Variants in ILRUN observed in about 807,000 individuals in gnomAD.
The protein encoded by ILRUN is protein ILRUN.
ILRUN carries 3 observed loss-of-function variants against 33.8 expected under a neutral mutation model. That is an observed-to-expected ratio of 0.09 (90% CI 0.04 to 0.23). The LOEUF is 0.23. Among genes scored for constraint, ILRUN ranks in the 10% least tolerant of loss-of-function variants. The probability of loss-of-function intolerance (pLI) is 1.00; values close to 1 mark genes in which losing one functional copy is unlikely to be tolerated. For missense variants in ILRUN, 210 were observed against 375.1 expected (o/e 0.56, Z 3.64); for synonymous variants, 124 against 138.9 (o/e 0.89, Z 0.75).
chr6:34,617,331 G>C, intron 3 of ILRUN: 1 of 323,782 alleles, frequency 3.1e-6, no homozygotes, highest in South Asian at 2.7e-5. Context: ...GAAAAAAAAA[G>C]TCAGTATTAT....
chr6:34,630,651 G>T (rs1762227487), intron 3 of ILRUN, among the ~76,000 whole-genome samples: 1 of 152,158 alleles, frequency 6.6e-6, no homozygotes, highest in Non-Finnish European at 1.5e-5. Context: ...CAAAGTGCTG[G>T]GATTATGGCG....
At chr6:34,618,175 T>C (rs1367171551) in intron 3 of ILRUN, among the ~76,000 whole-genome samples, 2 of 151,968 alleles carry the variant, frequency 1.3e-5, no homozygotes, top group Non-Finnish European at 2.9e-5. Flanking sequence ...CTGTTCAGAA[T>C]GAAAAAGGAA....
intron 4 of ILRUN, 125 bp downstream of exon 4, chr6:34,606,430 G>C (rs567177501): frequency 1.5e-6 from 1 of 681,592 alleles, no homozygotes; most frequent in Non-Finnish European, 2.5e-6. Context: ...ATTGGCAGGA[G>C]AGCTGAGCAG....
chr6:34,687,836 A>G (rs976888584), intron 1 of ILRUN, among the ~76,000 whole-genome samples: 8 of 151,856 alleles, frequency 5.3e-5, no homozygotes, highest in Non-Finnish European at 1.2e-4. Flanking sequence ...CGCGGTTGGG[A>G]ATGTAAAATG....
chr6:34,688,463 C>G (rs143354501), intron 1 of ILRUN, among the ~76,000 whole-genome samples: 1 of 147,418 alleles, frequency 6.8e-6, no homozygotes, highest in African/African-American at 2.5e-5. Context: ...ACCCTGAAAA[C>G]ATAATGCTAA....
chr6:34,644,865 G>A (rs990509179), intron 3 of ILRUN, among the ~76,000 whole-genome samples: 2 of 152,100 alleles, frequency 1.3e-5, no homozygotes, highest in African/African-American at 2.4e-5. Context: ...TGAGACAAAT[G>A]AGCAAGGGCA....
chr6:34,651,082 C>T (rs1257029986), intron 2 of ILRUN, among the ~76,000 whole-genome samples: 1 of 152,108 alleles, frequency 6.6e-6, no homozygotes. Flanking sequence ...GCATGTTCTT[C>T]CTCTCTCAAA....
chr6:34,646,836 A>G lies in ILRUN; in HGVS notation c.314-38T>C, dbSNP rs143980154. ...AAAAGAAAAAAATGTTAGGCAATCA[A>G]TGGTCCTATGCTGGGTGCAGTTTAT... is the stretch of plus-strand genomic sequence containing the variant. On this transcript the variant is annotated intron_variant, in intron 2 of 4. Transcript: ENST00000374023. This position sits in a 1 kb window ranked among gnomAD's most constrained non-coding sequence, Gnocchi z 4.9. 8.6e-4 allele frequency: 1,362 copies of G among 1,585,256 alleles called. 11 individuals carry two copies. In the African/African-American group the frequency reaches 0.016, roughly 19 times the overall value.
At chr6:34,616,725 T>C in intron 3 of ILRUN, 2 of 743,822 alleles carry the variant, frequency 2.7e-6, no homozygotes, top group South Asian at 1.5e-5. Flanking sequence ...GAAATTCAAA[T>C]GGCAAGGATG....
intron 3 of ILRUN, among the ~76,000 whole-genome samples, chr6:34,608,180 G>C (rs1260727381): frequency 6.6e-6 from 1 of 152,042 alleles, no homozygotes; most frequent in East Asian, 1.9e-4. Context: ...GATCACTTGA[G>C]GTCAGAAGTT....
intron 3 of ILRUN, among the ~76,000 whole-genome samples, chr6:34,637,808 C>G (rs1762392823): frequency 6.6e-6 from 1 of 152,066 alleles, no homozygotes; most frequent in Admixed American, 6.6e-5. Context: ...AGAGGTTAAT[C>G]TGAACAGTAC....
Position 34,587,325 on chromosome 6 carries a change from T to C in ILRUN, c.*3240A>G, listed in dbSNP as rs1398837205. Reference sequence around the variant, plus strand: ...GTGTGTTAATTTAATCATACAAATATTCATTTATACAATAAGGAAAAACCT... The same window carrying C: ...GTGTGTTAATTTAATCATACAAATACTCATTTATACAATAAGGAAAAACCT... On this transcript the variant is annotated 3_prime_UTR_variant, in exon 5 of 5. Coordinates refer to ENST00000374023, the MANE Select transcript of ILRUN (RefSeq NM_024294.4). The C allele has an allele frequency of 2.6e-5, 4 of 152,596 alleles. No homozygotes were observed. The highest frequency in any genetic ancestry group is 1.5e-5 in the Non-Finnish European group (1 of 68,042). 9.5% of individuals were successfully genotyped at this position (152,596 alleles called of 1,614,324 possible). A position where few individuals can be genotyped will look rare whatever the true frequency, so the allele number is the denominator to read the frequency against.
intron 1 of ILRUN, among the ~76,000 whole-genome samples, chr6:34,684,748 A>C (rs1219623904): frequency 6.6e-6 from 1 of 152,226 alleles, no homozygotes; most frequent in Non-Finnish European, 1.5e-5. Context: ...AAGTAGGAGA[A>C]ACAAGTTTAA....
At chr6:34,653,085 T>C (rs529452354) in intron 2 of ILRUN, among the ~76,000 whole-genome samples, 10 of 145,158 alleles carry the variant, frequency 6.9e-5, no homozygotes, top group South Asian at 4.3e-4. Context: ...GAGGCCAAGA[T>C]TGCACCACTG....
chr6:34,597,714 ACT>A (rs1761430084), intron 4 of ILRUN, among the ~76,000 whole-genome samples: 1 of 151,568 alleles, frequency 6.6e-6, no homozygotes, highest in Admixed American at 6.6e-5. Context: ...CATTGCTGGC[ACT>A]CTCTCCTTTC....
At chr6:34,643,616 T>C (rs1415462437) in intron 3 of ILRUN, among the ~76,000 whole-genome samples, 1 of 152,234 alleles carries the variant, frequency 6.6e-6, no homozygotes, top group East Asian at 1.9e-4. Context: ...TCTTTGGGGA[T>C]GGACTAAATG....
intron 3 of ILRUN, among the ~76,000 whole-genome samples, chr6:34,634,994 G>A (rs1402506984): frequency 6.6e-6 from 1 of 152,106 alleles, no homozygotes; most frequent in African/African-American, 2.4e-5. Flanking sequence ...AGAGTCACAT[G>A]TTGAAAAAAT....
At chr6:34,675,608 A>T (rs1040770231) in intron 1 of ILRUN, among the ~76,000 whole-genome samples, 4 of 152,334 alleles carry the variant, frequency 2.6e-5, no homozygotes, top group African/African-American at 9.6e-5. Flanking sequence ...GAAATCAAAA[A>T]GGAAAAGACT....
intron 3 of ILRUN, among the ~76,000 whole-genome samples, chr6:34,630,123 G>A (rs891773010): frequency 1.3e-5 from 2 of 152,174 alleles, no homozygotes; most frequent in African/African-American, 4.8e-5. Flanking sequence ...CAGTCGATCT[G>A]ATAACCAAGA....
Sources: allele counts gnomAD v4.1 joint callset (sites outside exome capture counted in the v4.1 genomes callset), GRCh38; gene constraint gnomAD v4.1.1; non-coding constraint Gnocchi (gnomAD v3.1); transcripts MANE v1.5; gene names NCBI Gene and HGNC (gene_info 2026-07-23, HGNC 2026-07-21).